Variants in SLC24A2 observed in about 807,000 individuals in gnomAD.
SLC24A2 encodes the protein solute carrier family 24 member 2, also known as sodium/potassium/calcium exchanger 2.
SLC24A2 carries 36 observed loss-of-function variants against 62.0 expected under a neutral mutation model. That is an observed-to-expected ratio of 0.58 (90% CI 0.44 to 0.77). SLC24A2 has a LOEUF of 0.77. Ranked by LOEUF, SLC24A2 falls within the 30% of genes least tolerant of loss-of-function variation. The pLI is 0.00. For synonymous variants in SLC24A2, 358 were observed against 294.0 expected (o/e 1.22, Z -2.23); for missense variants, 846 against 817.9 (o/e 1.03, Z -0.42).
the SLC24A2 span, among the ~76,000 whole-genome samples, chr9:20,034,465 T>G: frequency 7.1e-6 from 1 of 140,402 alleles, no homozygotes; most frequent in Non-Finnish European, 1.5e-5. Context: ...TTTTTTTTTT[T>G]TTTTTTTTTT....
intron 8 of SLC24A2, among the ~76,000 whole-genome samples, chr9:19,534,922 A>G (rs1372069839): frequency 2.0e-5 from 3 of 152,192 alleles, no homozygotes; most frequent in Non-Finnish European, 2.9e-5. Flanking sequence ...TAGATCCTTG[A>G]GGAATTGCCA....
At chr9:20,014,099 T>G in the SLC24A2 span, among the ~76,000 whole-genome samples, 1 of 152,082 alleles carries the variant, frequency 6.6e-6, no homozygotes, top group Non-Finnish European at 1.5e-5. Context: ...TCTCAGCTAC[T>G]CAGAAGGCTG....
chr9:20,244,595 G>A, the SLC24A2 span, among the ~76,000 whole-genome samples: 1 of 152,174 alleles, frequency 6.6e-6, no homozygotes, highest in African/African-American at 2.4e-5. Context: ...AAATCATTCT[G>A]CCTTCAAAGC....
At chr9:20,089,699 C>T in the SLC24A2 span, among the ~76,000 whole-genome samples, 1 of 150,144 alleles carries the variant, frequency 6.7e-6, no homozygotes, top group Admixed American at 6.6e-5. Context: ...CCACCCCCTG[C>T]CCACCACTGC....
At chr9:19,716,890 G>T (rs1023560577) in intron 2 of SLC24A2, among the ~76,000 whole-genome samples, 9 of 152,094 alleles carry the variant, frequency 5.9e-5, no homozygotes, top group African/African-American at 2.2e-4. Flanking sequence ...TGAGTTTCCA[G>T]GTCTTCTTAG....
chr9:19,708,443 A>G (rs998202454), intron 2 of SLC24A2, among the ~76,000 whole-genome samples: 13 of 152,318 alleles, frequency 8.5e-5, no homozygotes, highest in Non-Finnish European at 1.8e-4. Context: ...AGCCTGCATC[A>G]CCAAGTCAAC....
At chr9:19,999,672 G>A in the SLC24A2 span, among the ~76,000 whole-genome samples, 1 of 152,170 alleles carries the variant, frequency 6.6e-6, no homozygotes, top group Non-Finnish European at 1.5e-5. Flanking sequence ...TCACGGAAAG[G>A]ATCCCAGCTG....
At chr9:19,845,659 A>G in the SLC24A2 span, among the ~76,000 whole-genome samples, 16 of 151,988 alleles carry the variant, frequency 1.1e-4, no homozygotes, top group Admixed American at 9.2e-4. Context: ...TTATTTCTCT[A>G]GTTCCTTTAG....
the SLC24A2 span, among the ~76,000 whole-genome samples, chr9:20,278,678 C>T: frequency 5.3e-5 from 8 of 152,196 alleles, no homozygotes; most frequent in South Asian, 2.1e-4. Flanking sequence ...TTTCCCACAT[C>T]GTCCTGTCTT....
chr9:19,857,169 G>A, the SLC24A2 span, among the ~76,000 whole-genome samples: 2 of 152,186 alleles, frequency 1.3e-5, no homozygotes, highest in Non-Finnish European at 2.9e-5. Context: ...AGAAGATGAA[G>A]CTGAAAATCT....
At chr9:20,104,040 T>C in the SLC24A2 span, among the ~76,000 whole-genome samples, 2 of 152,080 alleles carry the variant, frequency 1.3e-5, no homozygotes, top group African/African-American at 2.4e-5. Context: ...GCTCAAGAAC[T>C]ACATGAAGAA....
chr9:19,925,319 A>C, the SLC24A2 span, among the ~76,000 whole-genome samples: 1 of 152,228 alleles, frequency 6.6e-6, no homozygotes, highest in Non-Finnish European at 1.5e-5. Context: ...CATCTCATAT[A>C]TATAGGCACA....
At chr9:20,194,702 C>T in the SLC24A2 span, among the ~76,000 whole-genome samples, 2 of 152,086 alleles carry the variant, frequency 1.3e-5, no homozygotes, top group South Asian at 2.1e-4. Context: ...ATCCCTGTCT[C>T]TCACAGTATT....
chr9:20,024,766 G>C, the SLC24A2 span, among the ~76,000 whole-genome samples: 1 of 152,134 alleles, frequency 6.6e-6, no homozygotes, highest in Non-Finnish European at 1.5e-5. Flanking sequence ...AGGTGGGGTG[G>C]GGAGAACCTT....
the SLC24A2 span, among the ~76,000 whole-genome samples, chr9:20,302,614 TC>T: frequency 6.6e-6 from 1 of 152,250 alleles, no homozygotes; most frequent in African/African-American, 2.4e-5. Flanking sequence ...TTTATACTTT[TC>T]TTTTGGATAG....
the SLC24A2 span, among the ~76,000 whole-genome samples, chr9:20,282,787 C>T: frequency 6.6e-6 from 1 of 152,140 alleles, no homozygotes. Flanking sequence ...CATCTGCATA[C>T]TTTTTCATCA....
At chr9:20,288,296 T>G in the SLC24A2 span, among the ~76,000 whole-genome samples, 1 of 152,154 alleles carries the variant, frequency 6.6e-6, no homozygotes, top group Non-Finnish European at 1.5e-5. Context: ...TATGGCAGTT[T>G]GTATTTTCCA....
chr9:19,698,115 T>C (rs778501907), intron 2 of SLC24A2, among the ~76,000 whole-genome samples: 8 of 152,204 alleles, frequency 5.3e-5, no homozygotes, highest in Non-Finnish European at 7.3e-5. Flanking sequence ...GAGATGCTAA[T>C]ACAGGTTGAG....
chr9:19,653,999 CA>C (rs1818872150), intron 2 of SLC24A2, among the ~76,000 whole-genome samples: 1 of 152,138 alleles, frequency 6.6e-6, no homozygotes, highest in Non-Finnish European at 1.5e-5. Flanking sequence ...TGGCAAATGT[CA>C]AGGTCGTGTA....
Sources: gnomAD v4.1 joint callset for allele counts (sites outside exome capture counted in the v4.1 genomes callset) on GRCh38, gnomAD v4.1.1 for gene constraint, MANE v1.5 for transcripts, NCBI Gene and HGNC (gene_info 2026-07-23, HGNC 2026-07-21) for gene names.